Variants in FBN1 observed in about 807,000 individuals in gnomAD.
FBN1 encodes fibrillin-1.
In FBN1, 29 loss-of-function variants were observed where a neutral mutation model predicts 365.1. The ratio of observed to expected loss-of-function variants is 0.08; its 90% CI spans 0.06 to 0.11. The LOEUF (loss-of-function observed/expected upper bound fraction) is 0.11. Ranked by LOEUF, FBN1 falls within the 10% of genes least tolerant of loss-of-function variation. The pLI is 1.00. For synonymous variants in FBN1, 1,210 were observed against 1,270.5 expected, an observed-to-expected ratio of 0.95 and a Z score of 1.01; for missense variants, 2,476 against 3,703.2, an observed-to-expected ratio of 0.67 and a Z score of 8.60.
intron 6 of FBN1, among the ~76,000 whole-genome samples, chr15:48,539,876 AAT>A (rs1315851555): frequency 6.6e-6 from 1 of 152,060 alleles, no homozygotes; most frequent in Middle Eastern, 3.2e-3. Flanking sequence ...GGTATAGTTT[AAT>A]ATTTTACATT....
chr15:48,479,825 C>A (rs1473581430), intron 32 of FBN1, among the ~76,000 whole-genome samples: 1 of 152,086 alleles, frequency 6.6e-6, no homozygotes, highest in African/African-American at 2.4e-5. Flanking sequence ...AAACTGAGTT[C>A]AAGCATGAAT....
intron 41 of FBN1, 21 bp downstream of exon 41, chr15:48,463,878 C>T (rs781331493): frequency 5.4e-5 from 86 of 1,598,374 alleles, no homozygotes; most frequent in Non-Finnish European, 6.8e-5. Flanking sequence ...ACATGCATTA[C>T]TGAGAAAAGC....
At chr15:48,638,812 A>AT (rs1366390124) in intron 2 of FBN1, among the ~76,000 whole-genome samples, 1 of 152,240 alleles carries the variant, frequency 6.6e-6, no homozygotes, top group Non-Finnish European at 1.5e-5. Context: ...GATTTCTCAC[A>AT]GGGGACATGA....
chr15:48,469,123 A>ATG (rs2043349382), intron 36 of FBN1, among the ~76,000 whole-genome samples: 3 of 145,640 alleles, frequency 2.1e-5, no homozygotes. Context: ...ATATATATAT[A>ATG]AAATATAATA....
At chr15:48,489,719 CA>C (rs2043539804) in intron 25 of FBN1, 131 bp downstream of exon 25, 2 of 775,640 alleles carry the variant, frequency 2.6e-6, no homozygotes, top group East Asian at 5.3e-5. Context: ...CTTTTCTAAA[CA>C]AAGATAATTA....
At chr15:48,628,244 A>AT in intron 2 of FBN1, among the ~76,000 whole-genome samples, 1 of 151,768 alleles carries the variant, frequency 6.6e-6, no homozygotes, top group Middle Eastern at 3.4e-3. Context: ...TGTACCAGTA[A>AT]TTTTCAGAAT....
Position 48,526,114 on chromosome 15 carries a change from T to A in FBN1, c.988+16A>T, listed in dbSNP as rs780202250. On this transcript the variant is annotated intron_variant, in intron 9 of 65. Transcript: ENST00000316623. ...GACTTACACAAACCATGCATGCTGT[T>A]TGTCATTAAACCTACCTATGCATCT... The A allele has an allele frequency of 6.2e-7, 1 of 1,614,038 alleles. No homozygotes were observed. The highest frequency in any genetic ancestry group is 8.5e-7 in the Non-Finnish European group (1 of 1,179,878).
Position 48,508,086 on chromosome 15 carries a change from G to A in FBN1, c.1837+496C>T, listed in dbSNP as rs150041735. Among the ~76,000 whole-genome samples, 833 of 152,164 alleles carry A rather than the reference G, an allele frequency of 5.5e-3. 12 individuals are homozygous for A. Among genetic ancestry groups the A allele is most frequent in the African/African-American group, 0.019 (793 of 41,522 alleles). On this transcript the variant is annotated intron_variant, in intron 15 of 65. Transcript: ENST00000316623. ...CTTGCTTATGTAACTTGATAAAGCCGAAATAAATTATCCTTAAAAAAAATT... is the reference window on the plus strand; with the variant it reads ...CTTGCTTATGTAACTTGATAAAGCCAAAATAAATTATCCTTAAAAAAAATT...
chr15:48,474,887 T>C (rs1008221994), intron 32 of FBN1, among the ~76,000 whole-genome samples: 5 of 152,218 alleles, frequency 3.3e-5, no homozygotes, highest in Non-Finnish European at 7.3e-5. Flanking sequence ...CGTATTTTAA[T>C]GTAAGTTTCC....
At chr15:48,464,670 CA>C (rs1191227405) in intron 40 of FBN1, among the ~76,000 whole-genome samples, 1 of 152,114 alleles carries the variant, frequency 6.6e-6, no homozygotes, top group Non-Finnish European at 1.5e-5. Flanking sequence ...ATTAAAATAT[CA>C]AATATCCCTT....
chr15:48,455,230 T>C (rs1444596765), intron 44 of FBN1, among the ~76,000 whole-genome samples: 3 of 152,204 alleles, frequency 2.0e-5, no homozygotes, highest in Non-Finnish European at 2.9e-5. Flanking sequence ...GTTATCTCAA[T>C]ATCCACAGAA....
At chr15:48,474,904 T>C (rs2043407546) in intron 32 of FBN1, among the ~76,000 whole-genome samples, 1 of 152,200 alleles carries the variant, frequency 6.6e-6, no homozygotes, top group Non-Finnish European at 1.5e-5. Flanking sequence ...TTCCAGTCAC[T>C]GCAAAGTGAC....
At chr15:48,413,152 G>C (rs1358911001) in intron 64 of FBN1, among the ~76,000 whole-genome samples, 2 of 152,282 alleles carry the variant, frequency 1.3e-5, no homozygotes, top group East Asian at 3.9e-4. Flanking sequence ...AGTGAGCAAG[G>C]TGTGAGACAT....
rs191989961 is a variant in FBN1 at position 48,474,614 on chromosome 15, C to T, written c.4001G>A (p.Gly1334Asp). ...NECEIGAHNCGKHAVCTNTAG... is the reference protein window; with the variant it reads ...NECEIGAHNCDKHAVCTNTAG... ...TGTATTGGTACATACAGCATGTTTG[C>T]CACAGTTGTGTGCTCCAATTTCACA... is the stretch of plus-strand genomic sequence containing the variant. The change falls in exon 33 of 66, where the codon GGC becomes GAC. Residue 1334 changes from glycine (G) to aspartate (D), a missense_variant. Gly to Asp is a moderately conservative substitution (Grantham distance 94, BLOSUM62 -1). Coordinates refer to ENST00000316623, the MANE Select transcript of FBN1 (RefSeq NM_000138.5). 1.5e-5 allele frequency: 25 copies of T among 1,614,094 alleles called. No individual in the cohort carries two copies. The Admixed American group carries it at 3.3e-4, about 22-fold the overall frequency.
chr15:48,458,263 A>G (rs1256565324), intron 43 of FBN1, among the ~76,000 whole-genome samples: 1 of 152,216 alleles, frequency 6.6e-6, no homozygotes, highest in Non-Finnish European at 1.5e-5. Context: ...TAGAAGAACC[A>G]CACTCTATAA....
intron 45 of FBN1, 119 bp downstream of exon 45, chr15:48,452,443 A>G (rs1349116809): frequency 4.9e-6 from 6 of 1,222,214 alleles, no homozygotes; most frequent in Admixed American, 1.7e-5. Context: ...GAGTTCATCA[A>G]TCTAAATCTT....
chr15:48,557,929 G>A (rs143844093), intron 6 of FBN1, among the ~76,000 whole-genome samples: 2 of 152,318 alleles, frequency 1.3e-5, no homozygotes, highest in East Asian at 3.9e-4. Context: ...ACTAAGGCTT[G>A]AGGTCTGAAT....
At chr15:48,526,358 G>T in intron 8 of FBN1, 103 bp from the exon 9 acceptor site, 1 of 1,263,834 alleles carries the variant, frequency 7.9e-7, no homozygotes, top group South Asian at 1.2e-5. Flanking sequence ...CATGTCCCTG[G>T]AAACAGCCAT....
chr15:48,545,200 GTCT>G (rs1457799869), intron 6 of FBN1, among the ~76,000 whole-genome samples: 5 of 152,112 alleles, frequency 3.3e-5, no homozygotes, highest in Non-Finnish European at 7.3e-5. Context: ...AGAGGAAAGG[GTCT>G]TATGATTAAA....
Sources: allele counts gnomAD v4.1 joint callset (sites outside exome capture counted in the v4.1 genomes callset), GRCh38; gene constraint gnomAD v4.1.1; transcripts MANE v1.5; gene names NCBI Gene and HGNC (gene_info 2026-07-23, HGNC 2026-07-21).